DPY30: variants seen among roughly 807,000 people sequenced by gnomAD.
DPY30 encodes protein dpy-30 homolog.
In DPY30, 6 loss-of-function variants were observed where a neutral mutation model predicts 16.2. The ratio of observed to expected loss-of-function variants is 0.37; its 90% CI spans 0.20 to 0.73. DPY30 has a LOEUF of 0.73. Ranked by LOEUF, DPY30 falls within the 30% of genes least tolerant of loss-of-function variation. The probability of loss-of-function intolerance (pLI) is 0.51; values close to 1 mark genes in which losing one functional copy is unlikely to be tolerated. For synonymous variants in DPY30, 39 were observed against 38.8 expected (o/e 1.00, Z -0.02); for missense variants, 73 against 113.1 (o/e 0.65, Z 1.61).
At chr2:32,037,704 CTT>C (rs1405535093) in intron 3 of DPY30, among the ~76,000 whole-genome samples, 1 of 151,818 alleles carries the variant, frequency 6.6e-6, no homozygotes, top group Non-Finnish European at 1.5e-5. Context: ...ATTACAGGCA[CTT>C]GCCACCACGC....
intron 3 of DPY30, among the ~76,000 whole-genome samples, chr2:32,038,134 T>A (rs1675816114): frequency 8.5e-6 from 1 of 118,096 alleles, no homozygotes; most frequent in Admixed American, 8.6e-5. Context: ...TCATTTTCTT[T>A]CTTTTTTTTT....
Position 32,039,327 on chromosome 2 carries a change from C to G in DPY30, c.37-1G>C. ...ACTCAGAGTGAGGATTTTCTGCAAC[C>G]TAGAAAACAAAACACCGGTCACAGA... On this transcript the variant is annotated splice_acceptor_variant, in intron 2 of 4. Transcript: ENST00000342166. LOFTEE classifies it high-confidence loss of function. The G allele has an allele frequency of 6.2e-7, 1 of 1,614,134 alleles. No individual in the cohort carries two copies. Among genetic ancestry groups the G allele is most frequent in the Non-Finnish European group, 8.5e-7 (1 of 1,180,032 alleles).
At chr2:32,021,329 C>T (rs1675175737), downstream of DPY30, among the ~76,000 whole-genome samples, 1 of 151,884 alleles carries the variant, frequency 6.6e-6, no homozygotes, top group Non-Finnish European at 1.5e-5. Context: ...TTTATACTTC[C>T]AAAACTAGAA....
chr2:32,018,616 A>G (rs1217820004), intron 5 of DPY30, among the ~76,000 whole-genome samples: 1 of 152,136 alleles, frequency 6.6e-6, no homozygotes, highest in Non-Finnish European at 1.5e-5. Flanking sequence ...AGTCCCAGCT[A>G]TTCAGGAGGC....
chr2:32,026,351 G>A lies in DPY30; in HGVS notation c.228-2095C>T, dbSNP rs147870754. Among the ~76,000 whole-genome samples, 61 of 152,210 alleles carry A rather than the reference G, an allele frequency of 4.0e-4. 2 individuals carry two copies. The East Asian group carries it at 0.011, about 27-fold the overall frequency. On this transcript the variant is annotated intron_variant, in intron 4 of 4. Coordinates refer to ENST00000342166, the MANE Select transcript of DPY30 (RefSeq NM_001321209.2). ...CTTAAGCCCAGAAGGCTGAAGCTGC[G>A]GTGAGTGGTGATCTTGCCACTGCAC...
At chr2:32,026,684 C>T (rs976208682) in intron 4 of DPY30, among the ~76,000 whole-genome samples, 3 of 150,442 alleles carry the variant, frequency 2.0e-5, no homozygotes, top group African/African-American at 7.3e-5. Context: ...CCAGCTACTC[C>T]AGAGGCTGAG....
At chr2:32,024,988 T>G (rs556399403) in intron 4 of DPY30, among the ~76,000 whole-genome samples, 2 of 152,154 alleles carry the variant, frequency 1.3e-5, no homozygotes, top group African/African-American at 4.8e-5. Context: ...AGTTGAAAAA[T>G]TGGGGAGACA....
chr2:32,012,477 C>T (rs1674973257), intron 5 of DPY30, among the ~76,000 whole-genome samples: 1 of 120,208 alleles, frequency 8.3e-6, no homozygotes, highest in African/African-American at 3.2e-5. Flanking sequence ...GTCACCCAGG[C>T]TGGAGTGCAG....
chr2:32,023,642 A>G (rs761069732), downstream of DPY30: 1 of 1,000,028 alleles, frequency 1.0e-6, no homozygotes, highest in South Asian at 1.3e-5. Context: ...CAATGCTTTT[A>G]TTAGTACTCC....
rs771014701 is a variant in DPY30, at chr2:32,039,271, C to T, written c.84+8G>A. 1.9e-6 allele frequency: 3 copies of T among 1,614,062 alleles called. No individual in the cohort carries two copies. Among genetic ancestry groups the T allele is most frequent in the South Asian group, 2.2e-5 (2 of 91,082 alleles). On this transcript the variant is annotated splice_region_variant and intron_variant, in intron 3 of 4. Transcript: ENST00000342166. ...ACACAGATGAGGCATAGGAACTTGG[C>T]GAGTTACCTCAACGTTGTCTGTGAG...
intron 5 of DPY30, among the ~76,000 whole-genome samples, chr2:32,014,969 TC>T (rs1558580500): frequency 6.6e-6 from 1 of 152,102 alleles, no homozygotes; most frequent in Non-Finnish European, 1.5e-5. Flanking sequence ...GGTAATCACT[TC>T]TAGAAGTAAC....
intron 5 of DPY30, among the ~76,000 whole-genome samples, chr2:32,012,523 C>T (rs548751520): frequency 2.0e-5 from 3 of 150,048 alleles, no homozygotes; most frequent in Non-Finnish European, 4.4e-5. Context: ...CTCCGCCTCC[C>T]GAGTTCAAGT....
intron 4 of DPY30, among the ~76,000 whole-genome samples, chr2:32,025,098 C>G (rs1032999123): frequency 6.6e-6 from 1 of 152,152 alleles, no homozygotes; most frequent in Non-Finnish European, 1.5e-5. Flanking sequence ...GAGCTGTCTA[C>G]AAATAGACAA....
intron 4 of DPY30, among the ~76,000 whole-genome samples, chr2:32,026,396 C>T (rs547848170): frequency 3.3e-5 from 5 of 152,132 alleles, no homozygotes; most frequent in Middle Eastern, 3.4e-3. Context: ...GATGACAGAG[C>T]GAGAACTTGT....
At chr2:32,036,788 G>A (rs1179769822) in intron 3 of DPY30, among the ~76,000 whole-genome samples, 1 of 152,068 alleles carries the variant, frequency 6.6e-6, no homozygotes, top group African/African-American at 2.4e-5. Flanking sequence ...AGAATGGTGT[G>A]AACCCAGGAG....
At chr2:32,016,636 CT>C (rs896791701) in intron 5 of DPY30, among the ~76,000 whole-genome samples, 2 of 150,994 alleles carry the variant, frequency 1.3e-5, no homozygotes, top group Non-Finnish European at 1.5e-5. Context: ...ACTCTCCTCC[CT>C]TTTTTTTTCA....
At chr2:32,013,257 AT>A (rs1675004251) in intron 5 of DPY30, 1 of 152,232 alleles carries the variant, frequency 6.6e-6, no homozygotes, top group Non-Finnish European at 1.5e-5. Context: ...CGTAAGTCTC[AT>A]TCCAAACTAG....
downstream of DPY30, among the ~76,000 whole-genome samples, chr2:32,019,927 T>G (rs1675143505): frequency 6.7e-6 from 1 of 148,456 alleles, no homozygotes; most frequent in African/African-American, 2.5e-5. Context: ...TATACATATA[T>G]TTGTACATAT....
chr2:32,019,426 C>T (rs1013288284), downstream of DPY30, among the ~76,000 whole-genome samples: 1 of 151,904 alleles, frequency 6.6e-6, no homozygotes, highest in Non-Finnish European at 1.5e-5. Flanking sequence ...GATGAGAGAC[C>T]GGCTTGAGCC....
Sources: allele counts gnomAD v4.1 joint callset (sites outside exome capture counted in the v4.1 genomes callset), GRCh38; gene constraint gnomAD v4.1.1; transcripts MANE v1.5; gene names NCBI Gene and HGNC (gene_info 2026-07-23, HGNC 2026-07-21).